CACHD1: variants seen among roughly 807,000 people sequenced by gnomAD.
CACHD1 encodes VWFA and cache domain-containing protein 1.
Under a neutral mutation model 138.7 loss-of-function variants are expected in CACHD1, and 71 were observed. The observed-to-expected ratio is 0.51, with a 90% CI of 0.42 to 0.62. The LOEUF (loss-of-function observed/expected upper bound fraction) is 0.62. Among genes scored for constraint, CACHD1 ranks in the 20% least tolerant of loss-of-function variants. The probability of loss-of-function intolerance (pLI) is 0.00; values close to 1 mark genes in which losing one functional copy is unlikely to be tolerated. For missense variants in CACHD1, 1,389 were observed against 1,625.3 expected, an observed-to-expected ratio of 0.85 and a Z score of 2.50; for synonymous variants, 578 against 591.5, an observed-to-expected ratio of 0.98 and a Z score of 0.33.
chr1:64,509,087 T>G (rs1646399161), intron 1 of CACHD1, among the ~76,000 whole-genome samples: 1 of 152,224 alleles, frequency 6.6e-6, no homozygotes, highest in African/African-American at 2.4e-5. Flanking sequence ...GACTGAAAAT[T>G]TAATGAAGTT....
intron 4 of CACHD1, among the ~76,000 whole-genome samples, chr1:64,610,358 C>T (rs375041338): frequency 2.8e-4 from 43 of 152,318 alleles, no homozygotes; most frequent in African/African-American, 1.0e-3. Flanking sequence ...TCCACAGTCT[C>T]ATCTGAGACA....
chr1:64,678,258 C>T lies in CACHD1; in HGVS notation c.3192C>T (p.Phe1064=), dbSNP rs201583845. The change falls in exon 23 of 27, where the codon TTC becomes TTT. Residue 1064 remains phenylalanine, a synonymous_variant. Coordinates refer to ENST00000651257, the MANE Select transcript of CACHD1 (RefSeq NM_020925.4). ...KPYCAPQKEC[F]GGIVGAKSPY... is the part of the protein sequence containing the mutation. ...ACTGTGCCCCCCAGAAAGAATGCTT[C>T]GGGGGGATTGTGGGAGCCAAAAGTC... 321 of 1,606,146 alleles carry T rather than the reference C, an allele frequency of 2.0e-4. 1 individual carries two copies. The highest frequency in any genetic ancestry group is 1.8e-4 in the Non-Finnish European group (208 of 1,177,180).
At chr1:64,582,543 A>G (rs535519909) in intron 3 of CACHD1, among the ~76,000 whole-genome samples, 1 of 152,296 alleles carries the variant, frequency 6.6e-6, no homozygotes, top group South Asian at 2.1e-4. Context: ...ATGAAATGCA[A>G]GTTGAGGAGT....
rs563569361 is a variant in CACHD1, at chr1:64,571,837, A to G, written c.262-10319A>G. ...GCCCAGGTCACAAGGTTGGTTTGTG[A>G]CAAGATATTATTTGCATTGGGTCTG... On this transcript the variant is annotated intron_variant, in intron 2 of 26. Transcript: ENST00000651257. 2.0e-5 allele frequency among the ~76,000 whole-genome samples: 3 copies of G among 152,280 alleles called. No individual in the cohort carries two copies. In the East Asian group the frequency reaches 5.8e-4, roughly 29 times the overall value.
chr1:64,481,836 T>G (rs1045322180), intron 1 of CACHD1, among the ~76,000 whole-genome samples: 2 of 152,176 alleles, frequency 1.3e-5, no homozygotes, highest in Non-Finnish European at 2.9e-5. Context: ...ATAAATATGC[T>G]GAAATATAGA....
intron 1 of CACHD1, among the ~76,000 whole-genome samples, chr1:64,492,424 C>T (rs1219823761): frequency 6.7e-5 from 6 of 90,042 alleles, no homozygotes; most frequent in Non-Finnish European, 1.2e-4. Flanking sequence ...GCAGCTCTGG[C>T]CTCCATGTCC....
chr1:64,685,640 C>T (rs1252069063), intron 26 of CACHD1, among the ~76,000 whole-genome samples: 1 of 151,872 alleles, frequency 6.6e-6, no homozygotes. Context: ...AAAATTTTTA[C>T]TGCAGTCTGG....
intron 2 of CACHD1, among the ~76,000 whole-genome samples, chr1:64,573,293 ACT>A (rs1646940226): frequency 6.6e-6 from 1 of 152,074 alleles, no homozygotes; most frequent in South Asian, 2.1e-4. Context: ...AGAGACAGAC[ACT>A]CTGTCTGCCA....
chr1:64,515,025 G>A (rs1478035433), intron 1 of CACHD1, among the ~76,000 whole-genome samples: 1 of 152,144 alleles, frequency 6.6e-6, no homozygotes, highest in African/African-American at 2.4e-5. Context: ...TCATTGGTAT[G>A]CTGCCATCCA....
At chr1:64,622,994 A>C (rs1255036047) in intron 4 of CACHD1, among the ~76,000 whole-genome samples, 1 of 152,180 alleles carries the variant, frequency 6.6e-6, no homozygotes, top group Non-Finnish European at 1.5e-5. Context: ...TGCATTGGCA[A>C]ACTTTCTTAA....
chr1:64,581,454 A>T (rs1647012100), intron 2 of CACHD1, among the ~76,000 whole-genome samples: 1 of 152,228 alleles, frequency 6.6e-6, no homozygotes, highest in African/African-American at 2.4e-5. Flanking sequence ...GGAACAATGG[A>T]GGAAAAAGCA....
chr1:64,655,131 G>A (rs960961298), intron 12 of CACHD1, among the ~76,000 whole-genome samples: 1 of 152,122 alleles, frequency 6.6e-6, no homozygotes, highest in African/African-American at 2.4e-5. Context: ...GCCAGACGTG[G>A]TGACACATGC....
intron 1 of CACHD1, among the ~76,000 whole-genome samples, chr1:64,510,403 G>A (rs305578): frequency 0.19 from 29,145 of 152,022 alleles, 4,972 homozygotes; most frequent in African/African-American, 0.46. Flanking sequence ...AGGCCATTAA[G>A]GACTGTTACC....
chr1:64,578,401 C>A (rs900825818), intron 2 of CACHD1, among the ~76,000 whole-genome samples: 4 of 152,216 alleles, frequency 2.6e-5, no homozygotes, highest in African/African-American at 9.6e-5. Flanking sequence ...AGATGCAGTG[C>A]CTACATTTAG....
intron 3 of CACHD1, among the ~76,000 whole-genome samples, chr1:64,583,067 A>G (rs1647024584): frequency 6.6e-6 from 1 of 152,182 alleles, no homozygotes; most frequent in Admixed American, 6.6e-5. Context: ...TGTAAATGTA[A>G]ATTAGTATTT....
chr1:64,563,582 G>A (rs987555465), intron 2 of CACHD1: 3 of 152,180 alleles, frequency 2.0e-5, no homozygotes, highest in African/African-American at 7.2e-5. Flanking sequence ...TTTGAATTGA[G>A]GGTGAACCTT....
chr1:64,665,133 T>G (rs1019048974), intron 15 of CACHD1, among the ~76,000 whole-genome samples: 2 of 152,120 alleles, frequency 1.3e-5, no homozygotes, highest in Non-Finnish European at 2.9e-5. Context: ...TGCTATAGCA[T>G]AGCAGGGGAG....
intron 1 of CACHD1, among the ~76,000 whole-genome samples, chr1:64,540,314 AG>A (rs1452329002): frequency 2.6e-5 from 4 of 151,690 alleles, no homozygotes; most frequent in Non-Finnish European, 5.9e-5. Context: ...ATGGAGATCT[AG>A]GGGGTAGGGG....
intron 2 of CACHD1, chr1:64,563,845 G>T (rs1432322902): frequency 1.3e-5 from 2 of 152,108 alleles, no homozygotes; most frequent in Non-Finnish European, 2.9e-5. Flanking sequence ...TTTGTAACAG[G>T]TATTTAGCCT....
Sources: allele counts gnomAD v4.1 joint callset (sites outside exome capture counted in the v4.1 genomes callset), GRCh38; gene constraint gnomAD v4.1.1; transcripts MANE v1.5; gene names NCBI Gene and HGNC (gene_info 2026-07-23, HGNC 2026-07-21).